Variants in LUZP2 observed in about 807,000 individuals in gnomAD.
LUZP2 encodes the protein leucine zipper protein 2.
A neutral mutation model predicts 51.6 loss-of-function variants in LUZP2; 52 were observed. That is an observed-to-expected ratio of 1.01 (90% CI 0.81 to 1.27). The LOEUF is 1.27. LUZP2 is among the 50% of genes most tolerant of loss of function. The pLI is 0.00. For synonymous variants in LUZP2, 154 were observed against 137.3 expected, an observed-to-expected ratio of 1.12 and a Z score of -0.85; for missense variants, 436 against 395.4, an observed-to-expected ratio of 1.10 and a Z score of -0.87.
chr11:24,984,335 A>T (rs949630171), intron 9 of LUZP2, among the ~76,000 whole-genome samples: 3 of 151,232 alleles, frequency 2.0e-5, no homozygotes, highest in Non-Finnish European at 4.4e-5. Flanking sequence ...GAGAGTCATA[A>T]ATAATAGAAT....
intron 4 of LUZP2, among the ~76,000 whole-genome samples, chr11:24,747,256 T>A (rs1859414938): frequency 6.6e-6 from 1 of 152,148 alleles, no homozygotes; most frequent in Non-Finnish European, 1.5e-5. Flanking sequence ...ATGTGGTACT[T>A]TTCTCGTTTT....
At chr11:24,606,769 C>T (rs1323522154) in intron 1 of LUZP2, among the ~76,000 whole-genome samples, 1 of 151,992 alleles carries the variant, frequency 6.6e-6, no homozygotes, top group African/African-American at 2.4e-5. Flanking sequence ...CTTCCATCAA[C>T]AATGTAAAGG....
intron 5 of LUZP2, among the ~76,000 whole-genome samples, chr11:24,820,825 G>C (rs1850336372): frequency 6.6e-6 from 1 of 152,134 alleles, no homozygotes; most frequent in African/African-American, 2.4e-5. Context: ...GTAAGAAGAA[G>C]ACTTGGAAGT....
chr11:24,564,592 A>G (rs1483095770), intron 1 of LUZP2, among the ~76,000 whole-genome samples: 1 of 152,118 alleles, frequency 6.6e-6, no homozygotes, highest in East Asian at 1.9e-4. Context: ...TGTATGCCCC[A>G]AGCCAGAAAC....
chr11:25,003,559 G>A (rs1473872768), intron 9 of LUZP2, among the ~76,000 whole-genome samples: 1 of 152,172 alleles, frequency 6.6e-6, no homozygotes, highest in Non-Finnish European at 1.5e-5. Context: ...CCTAGAATTG[G>A]GGTGTTGCAG....
intron 3 of LUZP2, among the ~76,000 whole-genome samples, chr11:24,733,158 T>C (rs1858779224): frequency 6.6e-6 from 1 of 151,560 alleles, no homozygotes; most frequent in South Asian, 2.1e-4. Flanking sequence ...GAGCCAATGA[T>C]ATCTATTAAA....
At chr11:24,890,948 T>A in intron 5 of LUZP2, 2 of 962,164 alleles carry the variant, frequency 2.1e-6, no homozygotes, top group Non-Finnish European at 2.5e-6. Context: ...ATTGCTCTTA[T>A]GATGAAAATA....
At chr11:24,898,760 A>C (rs529547650) in intron 5 of LUZP2, among the ~76,000 whole-genome samples, 1 of 152,216 alleles carries the variant, frequency 6.6e-6, no homozygotes, top group East Asian at 1.9e-4. Flanking sequence ...GAATACTACA[A>C]ATTTTTATTT....
intron 9 of LUZP2, among the ~76,000 whole-genome samples, chr11:25,026,980 A>G (rs1164764939): frequency 6.6e-6 from 1 of 151,820 alleles, no homozygotes; most frequent in African/African-American, 2.4e-5. Context: ...ATTTTAATTA[A>G]ACATTTGCCT....
chr11:24,506,097 CT>C (rs1850139304), intron 1 of LUZP2, among the ~76,000 whole-genome samples: 1 of 152,032 alleles, frequency 6.6e-6, no homozygotes, highest in African/African-American at 2.4e-5. Context: ...TTAAGTAATC[CT>C]ACAATGGGAT....
chr11:24,786,434 G>A (rs1425588366), intron 5 of LUZP2: 1 of 981,858 alleles, frequency 1.0e-6, no homozygotes, highest in Non-Finnish European at 1.2e-6. Context: ...ATTTTTCATG[G>A]TACCAAAAAT....
intron 1 of LUZP2, among the ~76,000 whole-genome samples, chr11:24,692,096 T>C: frequency 6.6e-6 from 1 of 152,150 alleles, no homozygotes; most frequent in East Asian, 1.9e-4. Context: ...TTTACGTTTT[T>C]TTTTTCTATT....
At chr11:24,807,458 C>T (rs1590564874) in intron 5 of LUZP2, among the ~76,000 whole-genome samples, 1 of 48,246 alleles carries the variant, frequency 2.1e-5, no homozygotes, top group South Asian at 1.2e-3. Context: ...AAGACTCCAT[C>T]TCAAAAGAAA....
intron 5 of LUZP2, among the ~76,000 whole-genome samples, chr11:24,766,100 A>G (rs1196561665): frequency 1.3e-5 from 2 of 152,070 alleles, no homozygotes; most frequent in African/African-American, 4.8e-5. Context: ...ATCTATTTCC[A>G]GTTACCTATA....
chr11:25,016,333 C>T (rs576709790), intron 9 of LUZP2, among the ~76,000 whole-genome samples: 1 of 151,994 alleles, frequency 6.6e-6, no homozygotes, highest in Non-Finnish European at 1.5e-5. Flanking sequence ...GTCTGTAATG[C>T]CCATTGTACC....
chr11:24,833,663 C>T (rs1850766734), intron 5 of LUZP2, among the ~76,000 whole-genome samples: 1 of 151,756 alleles, frequency 6.6e-6, no homozygotes, highest in Admixed American at 6.6e-5. Context: ...AGCTCAGACA[C>T]CCATAGTTTT....
intron 9 of LUZP2, among the ~76,000 whole-genome samples, chr11:25,027,669 A>G (rs1857532149): frequency 6.6e-6 from 1 of 152,044 alleles, no homozygotes; most frequent in Admixed American, 6.6e-5. Flanking sequence ...CAGGAGGTCA[A>G]GATCAGCCTG....
At chr11:24,696,657 G>A (rs1388513823) in intron 1 of LUZP2, among the ~76,000 whole-genome samples, 1 of 151,900 alleles carries the variant, frequency 6.6e-6, no homozygotes, top group Non-Finnish European at 1.5e-5. Context: ...AAGAAAAAAA[G>A]GTATAACTTT....
intron 1 of LUZP2, among the ~76,000 whole-genome samples, chr11:24,588,456 T>G (rs1476962416): frequency 6.6e-6 from 1 of 152,190 alleles, no homozygotes; most frequent in South Asian, 2.1e-4. Flanking sequence ...TAAAAAATGA[T>G]TGCAAAGAAA....
Sources: allele counts gnomAD v4.1 joint callset (sites outside exome capture counted in the v4.1 genomes callset), GRCh38; gene constraint gnomAD v4.1.1; transcripts MANE v1.5; gene names NCBI Gene and HGNC (gene_info 2026-07-23, HGNC 2026-07-21).